The following SLAIN1 variants were observed in gnomAD, a reference collection of about 807,000 sequenced individuals.
SLAIN1 encodes the protein SLAIN motif-containing protein 1.
Under a neutral mutation model 55.4 loss-of-function variants are expected in SLAIN1, and 17 were observed. That is an observed-to-expected ratio of 0.31 (90% CI 0.21 to 0.46). The LOEUF (loss-of-function observed/expected upper bound fraction) is 0.46, where lower values mean the gene tolerates loss of function less well. SLAIN1 is among the 20% of genes least tolerant of loss of function. The pLI, the probability that SLAIN1 is intolerant of heterozygous loss-of-function variation, is 1.00. For synonymous variants in SLAIN1, 348 were observed against 337.4 expected, an observed-to-expected ratio of 1.03 and a Z score of -0.35; for missense variants, 682 against 785.1, an observed-to-expected ratio of 0.87 and a Z score of 1.57.
At chr13:77,711,669 C>G (rs376974843) in intron 1 of SLAIN1, among the ~76,000 whole-genome samples, 1 of 152,200 alleles carries the variant, frequency 6.6e-6, no homozygotes, top group East Asian at 1.9e-4. Context: ...GGTACCATTC[C>G]TTCTGAAACT....
intron 4 of SLAIN1, among the ~76,000 whole-genome samples, chr13:77,749,061 A>G (rs1874034923): frequency 6.6e-6 from 1 of 152,194 alleles, no homozygotes; most frequent in African/African-American, 2.4e-5. Context: ...TGCATTTGTT[A>G]CTATAGAATA....
chr13:77,748,743 A>G (rs1236040247), intron 4 of SLAIN1, among the ~76,000 whole-genome samples: 6 of 152,142 alleles, frequency 3.9e-5, no homozygotes, highest in Non-Finnish European at 8.8e-5. Context: ...ATGACTTCTG[A>G]CTAATTAGCT....
intron 2 of SLAIN1, among the ~76,000 whole-genome samples, chr13:77,729,620 A>G (rs1354472067): frequency 6.6e-6 from 1 of 151,992 alleles, no homozygotes; most frequent in Non-Finnish European, 1.5e-5. Context: ...TGATCAGATG[A>G]TTACAATACA....
chr13:77,716,012 C>CT (rs748385934), intron 1 of SLAIN1, among the ~76,000 whole-genome samples: 1 of 152,014 alleles, frequency 6.6e-6, no homozygotes, highest in Non-Finnish European at 1.5e-5. Context: ...GACACACATA[C>CT]TTTTACCTTT....
chr13:77,746,926 T>A, intron 4 of SLAIN1, 71 bp downstream of exon 4: 1 of 1,282,030 alleles, frequency 7.8e-7, no homozygotes, highest in East Asian at 2.4e-5. Context: ...ATGGTTTTTG[T>A]GTTTTTGTTT....
At chr13:77,713,796 A>G (rs544723319) in intron 1 of SLAIN1, among the ~76,000 whole-genome samples, 2 of 152,212 alleles carry the variant, frequency 1.3e-5, no homozygotes, top group African/African-American at 2.4e-5. Flanking sequence ...AGTAGACTGG[A>G]TAAAGAAAAT....
At chr13:77,756,562 A>G (rs1942713620) in intron 5 of SLAIN1, among the ~76,000 whole-genome samples, 1 of 152,160 alleles carries the variant, frequency 6.6e-6, no homozygotes, top group South Asian at 2.1e-4. Context: ...TATTGAATCC[A>G]GCAACTTTGC....
chr13:77,720,497 G>T (rs894707846), intron 2 of SLAIN1, among the ~76,000 whole-genome samples: 1 of 152,156 alleles, frequency 6.6e-6, no homozygotes, highest in Non-Finnish European at 1.5e-5. Flanking sequence ...ATTTGAGAAC[G>T]CTGCCCATGA....
chr13:77,727,884 A>G (rs951053503), intron 2 of SLAIN1, among the ~76,000 whole-genome samples: 6 of 152,220 alleles, frequency 3.9e-5, no homozygotes, highest in Non-Finnish European at 8.8e-5. Context: ...TTCCTAATGT[A>G]CAGATTTTCA....
chr13:77,733,421 A>G (rs1872967563), intron 2 of SLAIN1, among the ~76,000 whole-genome samples: 1 of 152,192 alleles, frequency 6.6e-6, no homozygotes, highest in African/African-American at 2.4e-5. Context: ...AAGTTTAAAG[A>G]TTGAGTATCT....
chr13:77,717,979 T>A (rs1195096267), intron 1 of SLAIN1, among the ~76,000 whole-genome samples: 1 of 151,936 alleles, frequency 6.6e-6, no homozygotes, highest in East Asian at 1.9e-4. Context: ...GTGGAAGGGA[T>A]TATTACCTAC....
At chr13:77,746,925 G>A (rs207474053) in intron 4 of SLAIN1, 70 bp downstream of exon 4, 7 of 1,395,080 alleles carry the variant, frequency 5.0e-6, no homozygotes, top group Non-Finnish European at 6.8e-6. Flanking sequence ...AATGGTTTTT[G>A]TGTTTTTGTT....
chr13:77,728,137 T>C (rs1045299952), intron 2 of SLAIN1, among the ~76,000 whole-genome samples: 6 of 152,186 alleles, frequency 3.9e-5, no homozygotes, highest in African/African-American at 1.4e-4. Context: ...TCTGTGTGTA[T>C]TCCATTTCTA....
intron 2 of SLAIN1, among the ~76,000 whole-genome samples, chr13:77,736,532 C>CT (rs964478940): frequency 1.3e-5 from 2 of 152,020 alleles, no homozygotes; most frequent in South Asian, 2.1e-4. Flanking sequence ...CAGCCCCCCT[C>CT]TTTTTTTAAA....
In SLAIN1 at chr13:77,749,041, T is replaced by A. The variant is rs553066890; in HGVS notation, c.1258+2186T>A. Among the ~76,000 whole-genome samples the A allele has an allele frequency of 2.0e-5, 3 of 152,312 alleles. No individual in the cohort carries two copies. The South Asian group carries it at 6.2e-4, about 32-fold the overall frequency. ...AACTTTTATTAACATATGATTCAGA[T>A]GTCCTAGCCTGCATTTGTTACTATA... On this transcript the variant is annotated intron_variant, in intron 4 of 6. Coordinates refer to ENST00000418532, the MANE Select transcript of SLAIN1 (RefSeq NM_001242868.2).
At chr13:77,703,072 TAA>T (rs1342423536) in intron 1 of SLAIN1, among the ~76,000 whole-genome samples, 1 of 151,996 alleles carries the variant, frequency 6.6e-6, no homozygotes, top group Non-Finnish European at 1.5e-5. Flanking sequence ...ACGATAAAAA[TAA>T]GTCAGCCAAT....
intron 1 of SLAIN1, among the ~76,000 whole-genome samples, chr13:77,705,393 A>G (rs557005419): frequency 9.2e-5 from 14 of 152,140 alleles, no homozygotes; most frequent in Admixed American, 5.2e-4. Context: ...TTTGAAATGT[A>G]TATTTCAAAT....
At chr13:77,712,356 G>A (rs1299152311) in intron 1 of SLAIN1, among the ~76,000 whole-genome samples, 1 of 152,160 alleles carries the variant, frequency 6.6e-6, no homozygotes, top group Non-Finnish European at 1.5e-5. Flanking sequence ...AAGCTGATAA[G>A]CAACTTCAGC....
chr13:77,710,619 TTA>T, intron 1 of SLAIN1, among the ~76,000 whole-genome samples: 1 of 152,144 alleles, frequency 6.6e-6, no homozygotes, highest in Non-Finnish European at 1.5e-5. Flanking sequence ...ACAAGGAGAC[TTA>T]GACTCCCACA....
Sources: gnomAD v4.1 joint callset for allele counts (sites outside exome capture counted in the v4.1 genomes callset) on GRCh38, gnomAD v4.1.1 for gene constraint, MANE v1.5 for transcripts, NCBI Gene and HGNC (gene_info 2026-07-23, HGNC 2026-07-21) for gene names.